Variants in FAM107B observed in about 807,000 individuals in gnomAD.
The protein encoded by FAM107B is family with sequence similarity 107 member B, also known as protein FAM107B.
FAM107B carries 21 observed loss-of-function variants against 31.5 expected under a neutral mutation model. That is an observed-to-expected ratio of 0.67 (90% CI 0.47 to 0.96). FAM107B has a LOEUF of 0.96. FAM107B is among the 40% of genes least tolerant of loss of function. The pLI, the probability that FAM107B is intolerant of heterozygous loss-of-function variation, is 0.00. For missense variants in FAM107B, 452 were observed against 377.1 expected (o/e 1.20, Z -1.64); for synonymous variants, 157 against 141.5 (o/e 1.11, Z -0.78).
intron 2 of FAM107B, among the ~76,000 whole-genome samples, chr10:14,613,737 A>G (rs145154664): frequency 3.0e-4 from 45 of 152,340 alleles, no homozygotes; most frequent in African/African-American, 8.9e-4. Context: ...CTATGACTCA[A>G]GTCATCTCAC....
chr10:14,737,798 C>CTT (rs1189006104), intron 1 of FAM107B, among the ~76,000 whole-genome samples: 2 of 151,338 alleles, frequency 1.3e-5, no homozygotes, highest in South Asian at 2.1e-4. Flanking sequence ...CTCTCTCTCT[C>CTT]TCCTTCGTTG....
chr10:14,563,221 C>T lies in FAM107B; in HGVS notation c.470-32706G>A, dbSNP rs112559422. Among the ~76,000 whole-genome samples the T allele has an allele frequency of 6.8e-3, 1,029 of 152,282 alleles. 4 individuals are homozygous for T. The highest frequency in any genetic ancestry group is 0.018 in the African/African-American group (753 of 41,550). On this transcript the variant is annotated intron_variant, in intron 2 of 4. Transcript: ENST00000181796. Reference sequence around the variant, plus strand: ...CAGATGAGGGAAACAGTTTAACAGACATTTCTCTCGTAACAAAAAATACTT... The same window carrying T: ...CAGATGAGGGAAACAGTTTAACAGATATTTCTCTCGTAACAAAAAATACTT...
At chr10:14,561,541 G>A (rs1471962085) in intron 2 of FAM107B, among the ~76,000 whole-genome samples, 3 of 152,128 alleles carry the variant, frequency 2.0e-5, no homozygotes, top group Admixed American at 6.5e-5. Flanking sequence ...GCAGGGAGGC[G>A]GCATGATCAG....
At chr10:14,588,478 C>T (rs1259472754) in intron 2 of FAM107B, among the ~76,000 whole-genome samples, 3 of 152,184 alleles carry the variant, frequency 2.0e-5, no homozygotes, top group East Asian at 1.9e-4. Context: ...TCTCCCTGGA[C>T]GCTACCAGGG....
At chr10:14,691,704 C>G (rs1338803603) in intron 1 of FAM107B, among the ~76,000 whole-genome samples, 2 of 151,928 alleles carry the variant, frequency 1.3e-5, no homozygotes, top group African/African-American at 4.8e-5. Flanking sequence ...GACAGCCTGG[C>G]CAACATGGTG....
chr10:14,702,851 A>G (rs555009879), intron 1 of FAM107B, among the ~76,000 whole-genome samples: 1 of 152,250 alleles, frequency 6.6e-6, no homozygotes, highest in South Asian at 2.1e-4. Context: ...CTACCTACAG[A>G]AAGACCAGAC....
At chr10:14,627,764 C>T (rs560927555) in intron 2 of FAM107B, among the ~76,000 whole-genome samples, 1 of 151,986 alleles carries the variant, frequency 6.6e-6, no homozygotes, top group East Asian at 1.9e-4. Context: ...CAGAGTGAAA[C>T]CCTGTCTCTA....
At chr10:14,664,409 G>C (rs1000727731) in intron 2 of FAM107B, among the ~76,000 whole-genome samples, 2 of 152,190 alleles carry the variant, frequency 1.3e-5, no homozygotes, top group Non-Finnish European at 2.9e-5. Context: ...ATGTAACAAT[G>C]TTTTGGTTAA....
At chr10:14,683,631 G>T (rs1355841581) in intron 1 of FAM107B, among the ~76,000 whole-genome samples, 1 of 152,172 alleles carries the variant, frequency 6.6e-6, no homozygotes, top group Non-Finnish European at 1.5e-5. Flanking sequence ...CTATACTGAT[G>T]AGCTGAGAAA....
intron 1 of FAM107B, chr10:14,723,119 T>A (rs1855951041): frequency 9.9e-6 from 4 of 402,918 alleles, no homozygotes; most frequent in Non-Finnish European, 1.9e-5. Flanking sequence ...GATGTTTATT[T>A]TCCATCAGAC....
At chr10:14,597,889 G>T (rs1341553931) in intron 2 of FAM107B, among the ~76,000 whole-genome samples, 3 of 152,174 alleles carry the variant, frequency 2.0e-5, no homozygotes, top group Non-Finnish European at 4.4e-5. Context: ...GGTGGAGGTT[G>T]CAGTGAGCCG....
At chr10:14,724,219 A>C (rs1467654828) in intron 1 of FAM107B, among the ~76,000 whole-genome samples, 1 of 152,204 alleles carries the variant, frequency 6.6e-6, no homozygotes, top group Non-Finnish European at 1.5e-5. Flanking sequence ...CTTCTTTTGC[A>C]AATGTCTTAT....
At chr10:14,667,589 C>G in intron 2 of FAM107B, 45 bp downstream of exon 2, 1 of 1,605,660 alleles carries the variant, frequency 6.2e-7, no homozygotes, top group East Asian at 2.2e-5. Flanking sequence ...GCACTTCTGT[C>G]AGCAACAGCA....
chr10:14,714,832 T>G (rs1336728928), intron 1 of FAM107B, among the ~76,000 whole-genome samples: 3 of 152,200 alleles, frequency 2.0e-5, no homozygotes, highest in Non-Finnish European at 4.4e-5. Flanking sequence ...ACAAATTATA[T>G]TTTTTGGTTC....
At chr10:14,607,638 T>C (rs1852627580) in intron 2 of FAM107B, among the ~76,000 whole-genome samples, 1 of 152,198 alleles carries the variant, frequency 6.6e-6, no homozygotes, top group African/African-American at 2.4e-5. Context: ...ATTCTGAATG[T>C]AGACAGGACT....
chr10:14,579,042 C>T (rs1295608712), intron 2 of FAM107B, among the ~76,000 whole-genome samples: 1 of 152,134 alleles, frequency 6.6e-6, no homozygotes, highest in African/African-American at 2.4e-5. Flanking sequence ...TTAATATATA[C>T]AAGCCTCTCA....
chr10:14,634,517 G>C (rs532560328), intron 2 of FAM107B, among the ~76,000 whole-genome samples: 1 of 152,016 alleles, frequency 6.6e-6, no homozygotes, highest in Non-Finnish European at 1.5e-5. Flanking sequence ...GGAATCAATA[G>C]AGGGAAAGTT....
intron 1 of FAM107B, among the ~76,000 whole-genome samples, chr10:14,737,367 C>A (rs1168216330): frequency 1.3e-5 from 2 of 152,192 alleles, no homozygotes; most frequent in Non-Finnish European, 2.9e-5. Context: ...CATGGGAGCA[C>A]TTCAGAACGT....
At chr10:14,753,942 CTT>C (rs199813069) in intron 1 of FAM107B, among the ~76,000 whole-genome samples, 83 of 134,092 alleles carry the variant, frequency 6.2e-4, no homozygotes, top group African/African-American at 1.7e-3. Flanking sequence ...TCTTTTTTTT[CTT>C]TTTTTTTTTT....
Sources: gnomAD v4.1 joint callset for allele counts (sites outside exome capture counted in the v4.1 genomes callset) on GRCh38, gnomAD v4.1.1 for gene constraint, MANE v1.5 for transcripts, NCBI Gene and HGNC (gene_info 2026-07-23, HGNC 2026-07-21) for gene names.